The following CMSS1 variants were observed in gnomAD, a reference collection of about 807,000 sequenced individuals.
CMSS1 encodes cms1 ribosomal small subunit homolog, also known as protein CMSS1.
CMSS1 carries 33 observed loss-of-function variants against 43.5 expected under a neutral mutation model. That is an observed-to-expected ratio of 0.76 (90% CI 0.57 to 1.01). The LOEUF is 1.01. Ranked by LOEUF, CMSS1 falls within the 50% of genes least tolerant of loss-of-function variation. The pLI, the probability that CMSS1 is intolerant of heterozygous loss-of-function variation, is 0.00. For synonymous variants in CMSS1, 115 were observed against 117.2 expected (o/e 0.98, Z 0.12); for missense variants, 313 against 326.4 (o/e 0.96, Z 0.32).
intron 1 of CMSS1, among the ~76,000 whole-genome samples, chr3:100,102,479 T>A (rs2066326694): frequency 6.6e-6 from 1 of 152,228 alleles, no homozygotes; most frequent in South Asian, 2.1e-4. Context: ...TTTCTGCTTC[T>A]CCACAGGTGT....
At chr3:99,881,456 G>A (rs554669936) in intron 1 of CMSS1, among the ~76,000 whole-genome samples, 1 of 152,032 alleles carries the variant, frequency 6.6e-6, no homozygotes, top group African/African-American at 2.4e-5. Flanking sequence ...TCCCTTGCCA[G>A]TACAGATTGT....
At chr3:100,043,631 C>T (rs1008069559) in intron 1 of CMSS1, among the ~76,000 whole-genome samples, 1 of 152,096 alleles carries the variant, frequency 6.6e-6, no homozygotes, top group Non-Finnish European at 1.5e-5. Flanking sequence ...AATTTACATC[C>T]CTGGAAGGTG....
chr3:99,930,361 C>A (rs1269882178), intron 1 of CMSS1, among the ~76,000 whole-genome samples: 1 of 152,068 alleles, frequency 6.6e-6, no homozygotes, highest in Non-Finnish European at 1.5e-5. Context: ...TATATGTGTA[C>A]CAGCTGTTTT....
intron 1 of CMSS1, among the ~76,000 whole-genome samples, chr3:100,071,171 A>T (rs1477610340): frequency 1.4e-5 from 2 of 142,406 alleles, no homozygotes; most frequent in African/African-American, 5.4e-5. Flanking sequence ...CCTATTTCAG[A>T]CATATCACTG....
intron 1 of CMSS1, among the ~76,000 whole-genome samples, chr3:100,111,753 G>A (rs2066494717): frequency 6.6e-6 from 1 of 152,184 alleles, no homozygotes; most frequent in Non-Finnish European, 1.5e-5. Context: ...GATGGTATTA[G>A]TATGTAAAGT....
intron 1 of CMSS1, among the ~76,000 whole-genome samples, chr3:99,973,079 G>A (rs943565946): frequency 6.6e-6 from 1 of 152,070 alleles, no homozygotes; most frequent in Non-Finnish European, 1.5e-5. Flanking sequence ...ACAATGGATG[G>A]AATGACAATT....
chr3:100,066,829 C>T (rs1273003990), intron 1 of CMSS1, among the ~76,000 whole-genome samples: 2 of 152,120 alleles, frequency 1.3e-5, no homozygotes, highest in Non-Finnish European at 2.9e-5. Flanking sequence ...GCTTCTTAAA[C>T]CACCCAGGGA....
chr3:99,834,943 G>A (rs6788894), intron 1 of CMSS1, among the ~76,000 whole-genome samples: 9,575 of 152,274 alleles, frequency 0.063, 373 homozygotes, highest in Middle Eastern at 0.085. Flanking sequence ...TAGAGATATT[G>A]TGTAATAAAG....
intron 1 of CMSS1, among the ~76,000 whole-genome samples, chr3:100,038,685 G>A (rs2065151150): frequency 6.6e-6 from 1 of 152,040 alleles, no homozygotes. Flanking sequence ...CTTTTTAAAG[G>A]ACACGATCTC....
chr3:100,166,349 A>C lies in CMSS1; in HGVS notation c.370A>C (p.Lys124Gln). 1.3e-6 allele frequency: 2 copies of C among 1,599,106 alleles called. No homozygotes were observed. The highest frequency in any genetic ancestry group is 1.7e-6 in the Non-Finnish European group (2 of 1,166,740). ...TATATTTCTAGACTCCTGTTTCCTC[A>C]AGGCCAATGATTTGACTCACAGTCT... ...ELNLPDSCFL[K>Q]ANDLTHSLSS... Residue 124 changes from lysine (K) to glutamine (Q), a missense_variant, in exon 5 of 10, where the codon AAG (lysine) becomes CAG (glutamine). By Grantham distance (53) the Lys-to-Gln change is moderately conservative. Transcript: ENST00000421999.
intron 1 of CMSS1, among the ~76,000 whole-genome samples, chr3:100,119,188 A>G (rs545544028): frequency 2.4e-4 from 37 of 152,322 alleles, no homozygotes; most frequent in African/African-American, 8.7e-4. Context: ...CAAGGTGTTG[A>G]CAGATATATA....
At chr3:99,885,443 C>T (rs1296986154) in intron 1 of CMSS1, among the ~76,000 whole-genome samples, 2 of 152,194 alleles carry the variant, frequency 1.3e-5, no homozygotes, top group Non-Finnish European at 2.9e-5. Flanking sequence ...ATAATTATGA[C>T]TAGCCCAATT....
intron 1 of CMSS1, among the ~76,000 whole-genome samples, chr3:99,976,199 G>T (rs553008403): frequency 6.6e-6 from 1 of 152,252 alleles, no homozygotes; most frequent in African/African-American, 2.4e-5. Flanking sequence ...TAGATATAAA[G>T]CACTTAGAAG....
intron 1 of CMSS1, among the ~76,000 whole-genome samples, chr3:100,132,874 C>T (rs1222017696): frequency 6.8e-6 from 1 of 147,486 alleles, no homozygotes; most frequent in African/African-American, 2.5e-5. Context: ...ATCAAATGAT[C>T]GCAAATTAGT....
At chr3:100,171,318 CA>C (rs766480712) in intron 6 of CMSS1, among the ~76,000 whole-genome samples, 4 of 151,918 alleles carry the variant, frequency 2.6e-5, no homozygotes, top group Non-Finnish European at 4.4e-5. Flanking sequence ...TAAGAAAGGA[CA>C]GCTGTGATAG....
chr3:99,902,491 A>T (rs1300089639), intron 1 of CMSS1, among the ~76,000 whole-genome samples: 3 of 152,210 alleles, frequency 2.0e-5, no homozygotes, highest in Non-Finnish European at 4.4e-5. Flanking sequence ...ATAGGAAGTT[A>T]TCTTGATATA....
At chr3:100,151,877 G>A (rs1407937593) in intron 2 of CMSS1, among the ~76,000 whole-genome samples, 1 of 152,196 alleles carries the variant, frequency 6.6e-6, no homozygotes, top group Non-Finnish European at 1.5e-5. Context: ...AGGTCCAGGT[G>A]CAGTTGGGGC....
At chr3:100,174,962 T>A (rs2067137618) in intron 8 of CMSS1, among the ~76,000 whole-genome samples, 1 of 152,236 alleles carries the variant, frequency 6.6e-6, no homozygotes, top group African/African-American at 2.4e-5. Flanking sequence ...GTATGTTTAT[T>A]TTTATACAAC....
chr3:99,862,464 T>C (rs372955498), intron 1 of CMSS1, among the ~76,000 whole-genome samples: 49 of 152,318 alleles, frequency 3.2e-4, no homozygotes, highest in African/African-American at 1.2e-3. Flanking sequence ...ATGATTGTCA[T>C]TTTAGGTCAG....
Sources: allele counts gnomAD v4.1 joint callset (sites outside exome capture counted in the v4.1 genomes callset), GRCh38; gene constraint gnomAD v4.1.1; transcripts MANE v1.5; gene names NCBI Gene and HGNC (gene_info 2026-07-23, HGNC 2026-07-21).